The following PTPRN2 variants were observed in gnomAD, a reference collection of about 807,000 sequenced individuals.
PTPRN2 encodes protein tyrosine phosphatase receptor type N2.
A neutral mutation model predicts 118.8 loss-of-function variants in PTPRN2; 74 were observed. The ratio of observed to expected loss-of-function variants is 0.62; its 90% confidence interval spans 0.52 to 0.76. The LOEUF (loss-of-function observed/expected upper bound fraction) is 0.76. Among genes scored for constraint, PTPRN2 ranks in the 30% least tolerant of loss-of-function variants. The pLI, the probability that PTPRN2 is intolerant of heterozygous loss-of-function variation, is 0.00. For missense variants in PTPRN2, 1,481 were observed against 1,394.4 expected (o/e 1.06, Z -0.99); for synonymous variants, 641 against 608.0 (o/e 1.05, Z -0.80).
At chr7:158,422,345 T>C (rs1299537188) in intron 2 of PTPRN2, among the ~76,000 whole-genome samples, 11 of 152,132 alleles carry the variant, frequency 7.2e-5, no homozygotes, top group South Asian at 2.1e-4. Context: ...GAATGGCAGG[T>C]TGAGAAGTAC....
intron 5 of PTPRN2, among the ~76,000 whole-genome samples, chr7:158,180,237 T>C (rs1003673672): frequency 2.6e-5 from 4 of 152,248 alleles, no homozygotes; most frequent in African/African-American, 9.6e-5. Flanking sequence ...CAGGTGTCCT[T>C]TCCCCAGTTT....
At chr7:158,206,319 C>T (rs1349482520) in intron 3 of PTPRN2, among the ~76,000 whole-genome samples, 1 of 152,196 alleles carries the variant, frequency 6.6e-6, no homozygotes, top group African/African-American at 2.4e-5. Context: ...TTTCTAGACA[C>T]ACCTTGGGCC....
At chr7:158,141,341 G>A (rs529554842) in intron 6 of PTPRN2, among the ~76,000 whole-genome samples, 43 of 152,326 alleles carry the variant, frequency 2.8e-4, no homozygotes, top group African/African-American at 8.7e-4. Flanking sequence ...TGGCACCCCC[G>A]TTCACTCAGC....
At chr7:157,887,654 A>G (rs113273033) in intron 12 of PTPRN2, among the ~76,000 whole-genome samples, 259 of 878 alleles carry the variant, frequency 0.29, no homozygotes, top group Non-Finnish European at 0.33. Flanking sequence ...CCCAGTACCC[A>G]CTCCCCCAGT....
intron 4 of PTPRN2, among the ~76,000 whole-genome samples, chr7:158,193,099 C>T (rs1240517806): frequency 2.0e-5 from 3 of 152,218 alleles, no homozygotes; most frequent in Non-Finnish European, 2.9e-5. Context: ...GCACCGCCAT[C>T]GCGTGCACCA....
intron 12 of PTPRN2, among the ~76,000 whole-genome samples, chr7:157,748,787 G>A (rs1323259448): frequency 2.2e-5 from 1 of 44,732 alleles, no homozygotes. Flanking sequence ...GTGGGCTGTT[G>A]AGGTGATTCT....
chr7:158,152,720 A>T (rs1007832816), intron 6 of PTPRN2, among the ~76,000 whole-genome samples: 1 of 152,092 alleles, frequency 6.6e-6, no homozygotes, highest in Non-Finnish European at 1.5e-5. Context: ...AACCCCCAAG[A>T]CCCTGGCAGG....
chr7:157,814,834 G>A (rs1039015800), intron 12 of PTPRN2, among the ~76,000 whole-genome samples: 1 of 152,178 alleles, frequency 6.6e-6, no homozygotes, highest in Non-Finnish European at 1.5e-5. Flanking sequence ...AGCTTTGCAG[G>A]CAGCCTGTTT....
intron 2 of PTPRN2, among the ~76,000 whole-genome samples, chr7:158,326,792 C>T (rs1166872309): frequency 1.4e-5 from 2 of 145,642 alleles, no homozygotes; most frequent in Non-Finnish European, 3.0e-5. Flanking sequence ...CACATGCACA[C>T]ACATGCACAT....
intron 2 of PTPRN2, among the ~76,000 whole-genome samples, chr7:158,333,018 A>C (rs1586315900): frequency 8.1e-6 from 1 of 123,192 alleles, no homozygotes; most frequent in East Asian, 2.2e-4. Context: ...TCACCATAAG[A>C]GCTGAAACCT....
At chr7:158,039,220 A>G (rs544260301) in intron 11 of PTPRN2, among the ~76,000 whole-genome samples, 1 of 152,386 alleles carries the variant, frequency 6.6e-6, no homozygotes, top group South Asian at 2.1e-4. Flanking sequence ...TGAAAAACAC[A>G]TCTTGAAAGG....
intron 2 of PTPRN2, among the ~76,000 whole-genome samples, chr7:158,336,282 G>A (rs202027804): frequency 1.4e-5 from 1 of 72,770 alleles, no homozygotes; most frequent in Non-Finnish European, 2.7e-5. Flanking sequence ...CATAAGAGCT[G>A]ACGCCCGCAG....
chr7:157,582,657 C>T (rs1411633206), intron 17 of PTPRN2, among the ~76,000 whole-genome samples: 1 of 151,586 alleles, frequency 6.6e-6, no homozygotes, highest in Non-Finnish European at 1.5e-5. Context: ...AGGTGGATCA[C>T]GAGGTCAGGA....
At chr7:158,151,999 C>G (rs1821229482) in intron 6 of PTPRN2, among the ~76,000 whole-genome samples, 1 of 151,852 alleles carries the variant, frequency 6.6e-6, no homozygotes. Context: ...TGGTGAAACC[C>G]CGTCTCTACT....
Position 158,192,395 on chromosome 7 carries a change from G to C in PTPRN2, c.481C>G (p.Leu161Val), listed in dbSNP as rs1287162389. 6.5e-7 allele frequency: 1 copy of C among 1,533,484 alleles called. No homozygotes were observed. The highest frequency in any genetic ancestry group is 2.4e-5 in the Admixed American group (1 of 41,004). 95.0% of individuals were successfully genotyped at this position (1,533,484 alleles called of 1,614,324 possible). ...ACGTCTGAGGCTGGGGCCTGGGACAGGGCCTCCAGGAAGGGCAGGTGGCGT... is the reference window on the plus strand; with the variant it reads ...ACGTCTGAGGCTGGGGCCTGGGACACGGCCTCCAGGAAGGGCAGGTGGCGT... ...LRRHLPFLEA[L>V]SQAPASDVLA... The change falls in exon 5 of 23, where the codon CTG becomes GTG. Residue 161 changes from leucine to valine, a missense_variant. Leu to Val is a conservative substitution (Grantham distance 32). Around this residue, in one of 3 missense-constraint regions of PTPRN2, gnomAD observed 1,115 missense variants for 994.2 expected, o/e 1.12. Coordinates refer to ENST00000389418, the MANE Select transcript of PTPRN2 (RefSeq NM_002847.5).
intron 1 of PTPRN2, among the ~76,000 whole-genome samples, chr7:158,521,627 G>GA (rs1453909962): frequency 9.0e-6 from 1 of 111,572 alleles, no homozygotes; most frequent in Non-Finnish European, 1.8e-5. Context: ...GCTCAGGAGG[G>GA]AGGTCCACGT....
In PTPRN2 at chr7:157,977,832, G is replaced by T. The variant is rs149400928; in HGVS notation, c.1724-79095C>A. Among the ~76,000 whole-genome samples the T allele has an allele frequency of 1.3e-5, 2 of 151,868 alleles. No individual in the cohort carries two copies. Among genetic ancestry groups the T allele is most frequent in the Admixed American group, 6.6e-5 (1 of 15,260 alleles). On this transcript the variant is annotated intron_variant, in intron 11 of 22. Transcript: ENST00000389418. This position sits in a 1 kb window ranked among gnomAD's most constrained non-coding sequence, Gnocchi z 4.6. ...TTGCTGCTGCTGGGGGAGCAGGAAG[G>T]GGGATCACCCTGACAAGACTGGTGG...
chr7:158,538,304 C>T (rs933571942), intron 1 of PTPRN2, among the ~76,000 whole-genome samples: 5 of 152,226 alleles, frequency 3.3e-5, no homozygotes, highest in Non-Finnish European at 5.9e-5. Flanking sequence ...CGGTGACTGG[C>T]GCACGCTGCG....
intron 11 of PTPRN2, among the ~76,000 whole-genome samples, chr7:157,909,553 C>T (rs896630453): frequency 1.3e-5 from 2 of 152,240 alleles, no homozygotes; most frequent in Non-Finnish European, 2.9e-5. Flanking sequence ...ACAGCCCCCT[C>T]GCCCCTGCTC....
Sources: gnomAD v4.1 joint callset for allele counts (sites outside exome capture counted in the v4.1 genomes callset) on GRCh38, gnomAD v4.1.1 for gene constraint, gnomAD v4.1.1 regional missense constraint, Gnocchi (gnomAD v3.1) non-coding constraint, MANE v1.5 for transcripts, NCBI Gene and HGNC (gene_info 2026-07-23, HGNC 2026-07-21) for gene names.